The following ADAM12 variants were observed in gnomAD, a reference collection of about 807,000 sequenced individuals.
ADAM12 encodes the protein ADAM metallopeptidase domain 12.
ADAM12 carries 70 observed loss-of-function variants against 106.4 expected under a neutral mutation model. That is an observed-to-expected ratio of 0.66 (90% CI 0.54 to 0.80). The LOEUF (loss-of-function observed/expected upper bound fraction) is 0.80. Among genes scored for constraint, ADAM12 ranks in the 30% least tolerant of loss-of-function variants. ADAM12 has a pLI of 0.00. For synonymous variants in ADAM12, 420 were observed against 433.5 expected (o/e 0.97, Z 0.39); for missense variants, 1,010 against 1,171.9 (o/e 0.86, Z 2.02).
chr10:126,077,274 AT>A (rs1404597351), intron 11 of ADAM12, among the ~76,000 whole-genome samples: 2 of 152,386 alleles, frequency 1.3e-5, no homozygotes, highest in East Asian at 1.9e-4. Flanking sequence ...AAACAAAAAA[AT>A]ATTCCATGCT....
intron 10 of ADAM12, among the ~76,000 whole-genome samples, chr10:126,097,824 T>A (rs761643125): frequency 4.6e-5 from 7 of 152,344 alleles, no homozygotes; most frequent in Non-Finnish European, 1.0e-4. Context: ...GTTTTCCCAC[T>A]GTATTTCCTT....
At chr10:126,289,902 T>C (rs1960069312) in intron 2 of ADAM12, among the ~76,000 whole-genome samples, 1 of 152,066 alleles carries the variant, frequency 6.6e-6, no homozygotes, top group South Asian at 2.1e-4. Context: ...GAAATGACAG[T>C]CCCCAAAGAT....
At chr10:126,145,535 C>G (rs1469273140) in intron 4 of ADAM12, 2 of 152,612 alleles carry the variant, frequency 1.3e-5, no homozygotes, top group African/African-American at 4.8e-5. Context: ...TGCTTAGCTT[C>G]CAAGATCAGA....
intron 21 of ADAM12, among the ~76,000 whole-genome samples, chr10:126,027,551 G>A (rs1430433316): frequency 1.3e-5 from 2 of 152,158 alleles, no homozygotes; most frequent in African/African-American, 4.8e-5. Flanking sequence ...CAAGATGCAA[G>A]GTTGGTTCGG....
chr10:126,279,052 A>G (rs1959421540), intron 2 of ADAM12, 64 bp from the exon 3 acceptor site: 4 of 1,263,040 alleles, frequency 3.2e-6, no homozygotes, highest in Non-Finnish European at 4.6e-6. Context: ...ATAGCTGAAT[A>G]AGACCCACAG....
intron 2 of ADAM12, among the ~76,000 whole-genome samples, chr10:126,289,890 T>C (rs1031623542): frequency 6.6e-6 from 1 of 152,134 alleles, no homozygotes; most frequent in African/African-American, 2.4e-5. Flanking sequence ...ATTGTGGTCA[T>C]AGAAATGACA....
chr10:126,279,764 G>A (rs1959471968), intron 2 of ADAM12, among the ~76,000 whole-genome samples: 1 of 152,076 alleles, frequency 6.6e-6, no homozygotes, highest in Non-Finnish European at 1.5e-5. Flanking sequence ...CAAGAGTGGA[G>A]GGAGAGTTGG....
intron 3 of ADAM12, among the ~76,000 whole-genome samples, chr10:126,242,152 T>C (rs1251186861): frequency 2.0e-5 from 3 of 152,182 alleles, no homozygotes; most frequent in East Asian, 3.8e-4. Context: ...TTGTTCCATA[T>C]TATATGTTCA....
At chr10:126,115,877 A>G (rs569595361) in intron 6 of ADAM12, among the ~76,000 whole-genome samples, 2 of 152,198 alleles carry the variant, frequency 1.3e-5, no homozygotes, top group Non-Finnish European at 1.5e-5. Context: ...AGGATTCCAC[A>G]TATTTGAAAT....
chr10:126,090,076 C>T (rs1955433431), intron 11 of ADAM12, among the ~76,000 whole-genome samples: 1 of 152,072 alleles, frequency 6.6e-6, no homozygotes, highest in Non-Finnish European at 1.5e-5. Flanking sequence ...AGGTGTGAAC[C>T]ACCACACCTG....
At chr10:126,203,204 C>T (rs760386894) in intron 3 of ADAM12, among the ~76,000 whole-genome samples, 3 of 152,166 alleles carry the variant, frequency 2.0e-5, no homozygotes, top group Non-Finnish European at 4.4e-5. Flanking sequence ...TCAGAGTGTA[C>T]ATTTTATTTA....
At chr10:126,109,067 T>A (rs1244491643) in intron 7 of ADAM12, among the ~76,000 whole-genome samples, 1 of 152,256 alleles carries the variant, frequency 6.6e-6, no homozygotes, top group Non-Finnish European at 1.5e-5. Flanking sequence ...TAGAAGCTCA[T>A]GGCAGCTTGT....
chr10:126,066,863 A>G lies in ADAM12; in HGVS notation c.1324-57T>C, dbSNP rs1954881712. 4 of 1,499,742 alleles carry G rather than the reference A, an allele frequency of 2.7e-6. No individual in the cohort carries two copies. The highest frequency in any genetic ancestry group is 2.8e-6 in the Non-Finnish European group (3 of 1,079,528). 92.9% of individuals were successfully genotyped at this position (1,499,742 alleles called of 1,614,324 possible). On this transcript the variant is annotated intron_variant, in intron 12 of 22. Transcript: ENST00000448723. This position sits in a 1 kb window ranked among gnomAD's most constrained non-coding sequence, Gnocchi z 5.1. Reference sequence around the variant, plus strand: ...GTCTTATGGAGTATGCACTCACTGAATGCAAACATCACACCTTAAATGGCT... The same window carrying G: ...GTCTTATGGAGTATGCACTCACTGAGTGCAAACATCACACCTTAAATGGCT...
At chr10:126,178,977 G>T (rs1219589955) in intron 3 of ADAM12, among the ~76,000 whole-genome samples, 2 of 152,092 alleles carry the variant, frequency 1.3e-5, no homozygotes, top group Non-Finnish European at 2.9e-5. Context: ...AACCCAGGAG[G>T]CGGAGGCTGC....
At chr10:126,251,777 AATGGATTGGATGG>A (rs1459791712) in intron 3 of ADAM12, among the ~76,000 whole-genome samples, 3 of 144,296 alleles carry the variant, frequency 2.1e-5, no homozygotes, top group Non-Finnish European at 4.5e-5. Context: ...TGATGGGATG[AATGGATTGGATGG>A]ATGGATGGGA....
At chr10:126,330,617 G>A (rs1031220212) in intron 1 of ADAM12, 108 bp from the exon 2 acceptor site, 1 of 968,812 alleles carries the variant, frequency 1.0e-6, no homozygotes, top group African/African-American at 1.6e-5. Flanking sequence ...AGTTAAATAA[G>A]CCCAGGGAAA....
intron 11 of ADAM12, among the ~76,000 whole-genome samples, chr10:126,087,137 C>A (rs968229838): frequency 2.0e-5 from 3 of 152,098 alleles, no homozygotes; most frequent in Admixed American, 6.5e-5. Flanking sequence ...GGATCAGTGG[C>A]CACACAGAAT....
chr10:126,117,466 G>C (rs1420876164), intron 6 of ADAM12, among the ~76,000 whole-genome samples: 1 of 152,204 alleles, frequency 6.6e-6, no homozygotes, highest in Admixed American at 6.5e-5. Flanking sequence ...TTGCAGCTTG[G>C]ACTGTGGATA....
intron 14 of ADAM12, among the ~76,000 whole-genome samples, chr10:126,055,796 T>G (rs776073102): frequency 8.5e-5 from 13 of 152,328 alleles, no homozygotes; most frequent in Non-Finnish European, 1.5e-4. Context: ...TTCCAAAAAA[T>G]CTCCTGACAG....
Sources: gnomAD v4.1 joint callset for allele counts (sites outside exome capture counted in the v4.1 genomes callset) on GRCh38, gnomAD v4.1.1 for gene constraint, Gnocchi (gnomAD v3.1) non-coding constraint, MANE v1.5 for transcripts, NCBI Gene and HGNC (gene_info 2026-07-23, HGNC 2026-07-21) for gene names.